THSD7A: variants seen among roughly 807,000 people sequenced by gnomAD.
THSD7A encodes the protein thrombospondin type 1 domain containing 7A, also known as thrombospondin type-1 domain-containing protein 7A.
Under a neutral mutation model 231.3 loss-of-function variants are expected in THSD7A, and 96 were observed. The ratio of observed to expected loss-of-function variants is 0.41; its 90% CI spans 0.35 to 0.49. The LOEUF (loss-of-function observed/expected upper bound fraction) is 0.49, where lower values mean the gene tolerates loss of function less well. Among genes scored for constraint, THSD7A ranks in the 20% least tolerant of loss-of-function variants. THSD7A has a pLI of 0.05. For missense variants in THSD7A, 2,290 were observed against 2,070.2 expected (o/e 1.11, Z -2.06); for synonymous variants, 940 against 743.3 (o/e 1.26, Z -4.30).
At chr7:11,395,163 G>A (rs551287106) in intron 23 of THSD7A, among the ~76,000 whole-genome samples, 29 of 151,330 alleles carry the variant, frequency 1.9e-4, no homozygotes, top group African/African-American at 7.0e-4. Flanking sequence ...AAAAAGCAGG[G>A]GTTACAATCC....
chr7:11,642,238 G>T lies in THSD7A; in HGVS notation c.191-5277C>A, dbSNP rs1360370562. Among the ~76,000 whole-genome samples, 3 of 152,152 alleles carry T rather than the reference G, an allele frequency of 2.0e-5. No individual in the cohort carries two copies. In the East Asian group the frequency reaches 5.8e-4, roughly 29 times the overall value. ...CCTACATTACTAAGAGTGGGAGGTA[G>T]GGGTAGCAGAAAATCTGGTGGAGTG... is the stretch of plus-strand genomic sequence containing the variant. On this transcript the variant is annotated intron_variant, in intron 1 of 27. Coordinates refer to ENST00000423059, the MANE Select transcript of THSD7A (RefSeq NM_015204.3).
In THSD7A at chr7:11,637,327, T is replaced by C. The variant is rs971279672; in HGVS notation, c.191-366A>G. On this transcript the variant is annotated intron_variant, in intron 1 of 27. Coordinates refer to ENST00000423059, the MANE Select transcript of THSD7A (RefSeq NM_015204.3). This position sits in a 1 kb window ranked among gnomAD's most constrained non-coding sequence, Gnocchi z 4.2. ...TTACTCCGGCCTCACAATCATCAAA[T>C]CCATTTCAGTAACTGGCAAAGAAAA... Among the ~76,000 whole-genome samples, 2 of 152,210 alleles carry C rather than the reference T, an allele frequency of 1.3e-5. No homozygotes were observed. Among genetic ancestry groups the C allele is most frequent in the Admixed American group, 1.3e-4 (2 of 15,284 alleles).
Position 11,504,876 on chromosome 7 carries a change from T to G in THSD7A, c.1823-22894A>C, listed in dbSNP as rs1049846008. 2.6e-5 allele frequency among the ~76,000 whole-genome samples: 4 copies of G among 152,302 alleles called. No individual in the cohort carries two copies. The East Asian group carries it at 7.7e-4, about 29-fold the overall frequency. ...ATTTGTAAATTTTAGTTGTATGTATTATTAAACTGGCAAAATTAAAAGGAG... is the reference window on the plus strand; with the variant it reads ...ATTTGTAAATTTTAGTTGTATGTATGATTAAACTGGCAAAATTAAAAGGAG... On this transcript the variant is annotated intron_variant, in intron 6 of 27. Transcript: ENST00000423059.
chr7:11,519,209 T>C (rs1344077300), intron 6 of THSD7A, among the ~76,000 whole-genome samples: 1 of 152,110 alleles, frequency 6.6e-6, no homozygotes, highest in Non-Finnish European at 1.5e-5. Context: ...ACCTGGGTAA[T>C]CGCTTTGCAG....
intron 4 of THSD7A, among the ~76,000 whole-genome samples, chr7:11,556,365 T>A (rs10280951): frequency 0.13 from 19,176 of 151,508 alleles, 2,326 homozygotes; most frequent in African/African-American, 0.32. Context: ...TACTGATATT[T>A]TCATTTTGCT....
intron 22 of THSD7A, among the ~76,000 whole-genome samples, chr7:11,402,811 G>A (rs563671538): frequency 3.2e-4 from 48 of 152,120 alleles, no homozygotes; most frequent in African/African-American, 9.2e-4. Context: ...TTCTTCATTC[G>A]TACAACTTTC....
chr7:11,812,890 G>A (rs1048842345), intron 1 of THSD7A, among the ~76,000 whole-genome samples: 18 of 151,982 alleles, frequency 1.2e-4, no homozygotes, highest in Admixed American at 1.0e-3. Flanking sequence ...TTAACTTCAG[G>A]TACCTGAGTT....
chr7:11,709,488 C>T (rs1238966522), intron 1 of THSD7A, among the ~76,000 whole-genome samples: 1 of 150,740 alleles, frequency 6.6e-6, no homozygotes, highest in Admixed American at 6.6e-5. Flanking sequence ...ATCAGGTTTG[C>T]TTCTGTGGCC....
At chr7:11,691,845 G>A (rs1249624077) in intron 1 of THSD7A, among the ~76,000 whole-genome samples, 3 of 151,278 alleles carry the variant, frequency 2.0e-5, no homozygotes, top group Admixed American at 6.6e-5. Flanking sequence ...TCCTATCATA[G>A]GAGATATGAT....
intron 23 of THSD7A, among the ~76,000 whole-genome samples, chr7:11,397,137 T>G (rs1783217810): frequency 6.6e-6 from 1 of 151,816 alleles, no homozygotes; most frequent in South Asian, 2.1e-4. Flanking sequence ...TATCTCAAAA[T>G]AATAAGAGCT....
At chr7:11,750,989 A>G (rs1782481062) in intron 1 of THSD7A, 1 of 152,034 alleles carries the variant, frequency 6.6e-6, no homozygotes, top group Non-Finnish European at 1.5e-5. Context: ...GTATCATTAG[A>G]TGACAAAGGC....
At chr7:11,597,646 G>A (rs1046293105) in intron 2 of THSD7A, among the ~76,000 whole-genome samples, 1 of 152,140 alleles carries the variant, frequency 6.6e-6, no homozygotes, top group Non-Finnish European at 1.5e-5. Context: ...ACAGCTCTTG[G>A]CCTGTTACTG....
In THSD7A at chr7:11,474,950, A is replaced by AT. The variant is rs1786096333; in HGVS notation, c.2018-383dup. Among the ~76,000 whole-genome samples, 4 of 152,158 alleles carry AT rather than the reference A, an allele frequency of 2.6e-5. No homozygotes were observed. The highest frequency in any genetic ancestry group is 2.6e-4 in the Admixed American group (4 of 15,270). ...CAGATTGAAAGAGGCACTGAGAAAA[A>AT]TTTTGAAGGAGTAGGATTTCAATAA... is the stretch of plus-strand genomic sequence containing the variant. On this transcript the variant is annotated intron_variant, in intron 7 of 27. Transcript: ENST00000423059. This position sits in a 1 kb window ranked among gnomAD's most constrained non-coding sequence, Gnocchi z 4.1.
At chr7:11,451,019 G>T (rs1785125805) in intron 11 of THSD7A, among the ~76,000 whole-genome samples, 1 of 151,992 alleles carries the variant, frequency 6.6e-6, no homozygotes, top group Non-Finnish European at 1.5e-5. Context: ...TATAGGACAG[G>T]CTGCTCCTGG....
At position 11,634,175 on chromosome 7, in the gene THSD7A, T is replaced by A. The variant is rs1008212072; in HGVS notation, c.1022+1955A>T. Among the ~76,000 whole-genome samples the A allele has an allele frequency of 7.9e-5, 12 of 152,190 alleles. No individual in the cohort carries two copies. The highest frequency in any genetic ancestry group is 2.7e-4 in the African/African-American group (11 of 41,456). On this transcript the variant is annotated intron_variant, in intron 2 of 27. Coordinates refer to ENST00000423059, the MANE Select transcript of THSD7A (RefSeq NM_015204.3). The surrounding 1 kb of genome is among the most constrained non-coding windows in gnomAD (Gnocchi z 4.1). ...AATATATTTAACATAAAGTTTAACC[T>A]ATACTGTAATAAGTCAGAAAATATA...
At chr7:11,697,918 C>T (rs1780451349) in intron 1 of THSD7A, among the ~76,000 whole-genome samples, 2 of 151,304 alleles carry the variant, frequency 1.3e-5, no homozygotes, top group African/African-American at 2.4e-5. Context: ...TGTACATTGC[C>T]GTCTTTTAAT....
intron 1 of THSD7A, among the ~76,000 whole-genome samples, chr7:11,791,572 A>T (rs1783953023): frequency 6.6e-6 from 1 of 151,918 alleles, no homozygotes; most frequent in African/African-American, 2.4e-5. Context: ...TAGGAAGAAA[A>T]GTTTTGTAGA....
intron 4 of THSD7A, among the ~76,000 whole-genome samples, chr7:11,554,038 T>C (rs991375088): frequency 2.0e-5 from 3 of 152,052 alleles, no homozygotes; most frequent in Non-Finnish European, 2.9e-5. Context: ...CTTCTACATA[T>C]ACTTTATCCA....
Position 11,538,726 on chromosome 7 carries a change from C to T in THSD7A, c.1822+2693G>A, listed in dbSNP as rs535651236. On this transcript the variant is annotated intron_variant, in intron 6 of 27. Transcript: ENST00000423059. ...AGAGTCTAATCGTCTTTTGTGCTCTCTTTTGTCTTGCGACTCTCTTACATC... is the reference window on the plus strand; with the variant it reads ...AGAGTCTAATCGTCTTTTGTGCTCTTTTTTGTCTTGCGACTCTCTTACATC... Among the ~76,000 whole-genome samples the T allele has an allele frequency of 5.3e-5, 8 of 152,206 alleles. No individual in the cohort carries two copies. In the South Asian group the frequency reaches 1.0e-3, roughly 20 times the overall value.
Sources: gnomAD v4.1 joint callset for allele counts (sites outside exome capture counted in the v4.1 genomes callset) on GRCh38, gnomAD v4.1.1 for gene constraint, Gnocchi (gnomAD v3.1) non-coding constraint, MANE v1.5 for transcripts, NCBI Gene and HGNC (gene_info 2026-07-23, HGNC 2026-07-21) for gene names.